EPB41: variants seen among roughly 807,000 people sequenced by gnomAD.
EPB41 encodes the protein erythrocyte membrane protein band 4.1, also known as protein 4.1.
In EPB41, 65 loss-of-function variants were observed where a neutral mutation model predicts 108.0. The ratio of observed to expected loss-of-function variants is 0.60; its 90% CI spans 0.49 to 0.74. EPB41 has a LOEUF of 0.74. EPB41 is among the 30% of genes least tolerant of loss of function. The pLI, the probability that EPB41 is intolerant of heterozygous loss-of-function variation, is 0.00. For synonymous variants in EPB41, 336 were observed against 358.9 expected, an observed-to-expected ratio of 0.94 and a Z score of 0.72; for missense variants, 875 against 1,037.0, an observed-to-expected ratio of 0.84 and a Z score of 2.15.
intron 16 of EPB41, among the ~76,000 whole-genome samples, chr1:29,075,605 A>G (rs938548743): frequency 6.6e-6 from 1 of 152,222 alleles, no homozygotes; most frequent in Non-Finnish European, 1.5e-5. Flanking sequence ...TAGAGTCTCA[A>G]CTATCTTTTC....
chr1:28,912,131 T>C (rs192490445), upstream of EPB41, among the ~76,000 whole-genome samples: 32 of 152,342 alleles, frequency 2.1e-4, no homozygotes, highest in Admixed American at 9.1e-4. Context: ...TTTCCTTATA[T>C]GTAAAATGAG....
chr1:29,060,406 C>G lies in EPB41; in HGVS notation c.1945-16C>G, dbSNP rs763735724. On this transcript the variant is annotated splice_polypyrimidine_tract_variant and intron_variant, in intron 14 of 20. Transcript: ENST00000343067. ...TTTTTTATGCTTTTCTGTTTTCCCC[C>G]CTTTCATTTTCACAGAAAAAGAGAG... 13 of 1,610,144 alleles carry G rather than the reference C, an allele frequency of 8.1e-6. No individual in the cohort carries two copies. Among genetic ancestry groups the G allele is most frequent in the Non-Finnish European group, 1.1e-5 (13 of 1,176,724 alleles).
At position 28,949,995 on chromosome 1, in the gene EPB41, AT is replaced by A. The variant is rs527875997; in HGVS notation, c.-8+35230del. Among the ~76,000 whole-genome samples, 5 of 152,224 alleles carry A rather than the reference AT, an allele frequency of 3.3e-5. No homozygotes were observed. In the South Asian group the frequency reaches 1.0e-3, roughly 32 times the overall value. ...TGGTATAATATTCCATTGTATGACT[AT>A]TTCATAATTAATTTATCCATTTTCC... On this transcript the variant is annotated intron_variant, in intron 1 of 20. Coordinates refer to ENST00000343067, the MANE Select transcript of EPB41 (RefSeq NM_001376013.1).
intron 15 of EPB41, among the ~76,000 whole-genome samples, chr1:29,061,581 T>G (rs1258555989): frequency 1.5e-5 from 2 of 135,750 alleles, no homozygotes; most frequent in African/African-American, 2.8e-5. Context: ...TGTTTTTTTT[T>G]TTTTTTTTTT....
rs773986647 is a variant in EPB41, at chr1:29,115,434, C to T, written c.2497-265C>T. 2.0e-5 allele frequency among the ~76,000 whole-genome samples: 3 copies of T among 151,946 alleles called. No individual in the cohort carries two copies. The highest frequency in any genetic ancestry group is 4.4e-5 in the Non-Finnish European group (3 of 67,970). ...AAAAAAAAAATAAAGGATCATATAA[C>T]AGATACAGCTATGACCCCCGAAGTC... On this transcript the variant is annotated intron_variant, in intron 19 of 20. Coordinates refer to ENST00000343067, the MANE Select transcript of EPB41 (RefSeq NM_001376013.1). The surrounding 1 kb of genome is among the most constrained non-coding windows in gnomAD (Gnocchi z 4.4).
chr1:29,065,277 T>C, intron 16 of EPB41, 119 bp downstream of exon 16: 1 of 1,409,180 alleles, frequency 7.1e-7, no homozygotes, highest in Non-Finnish European at 9.3e-7. Flanking sequence ...TGCCTCACTA[T>C]ATTCATTGCT....
rs1316981372 is a variant in EPB41 at position 28,887,477 on chromosome 1, G to T, written c.-8+267G>T. ...GGAGCTCGGATCCGGAGCTAGACAC[G>T]TCCGGGTCCGGCCGGTCCTGGCTGT... is the stretch of plus-strand genomic sequence containing the variant. On this transcript the variant is annotated intron_variant, in intron 1 of 16. Coordinates refer to the EPB41 transcript ENST00000347529. This position sits in a 1 kb window ranked among gnomAD's most constrained non-coding sequence, Gnocchi z 4.9. 32 of 985,116 alleles carry T rather than the reference G, an allele frequency of 3.2e-5. No individual in the cohort carries two copies. Among genetic ancestry groups the T allele is most frequent in the Admixed American group, 6.1e-5 (1 of 16,264 alleles). The allele number at this position is 985,116 out of a possible 1,614,324, so 61.0% of individuals were successfully genotyped here.
chr1:28,958,996 G>A (rs1167439468), intron 1 of EPB41, among the ~76,000 whole-genome samples: 1 of 151,944 alleles, frequency 6.6e-6, no homozygotes, highest in East Asian at 1.9e-4. Context: ...CTTTGAAGGA[G>A]GGTTAGAATT....
chr1:28,944,564 T>C (rs2148845892), intron 1 of EPB41, among the ~76,000 whole-genome samples: 1 of 140,486 alleles, frequency 7.1e-6, no homozygotes, highest in African/African-American at 2.6e-5. Flanking sequence ...TTTTGAGATG[T>C]CTTGCTCTGT....
intron 11 of EPB41, among the ~76,000 whole-genome samples, chr1:29,046,147 CAG>C (rs1302433889): frequency 2.0e-5 from 3 of 150,590 alleles, no homozygotes; most frequent in African/African-American, 7.3e-5. Flanking sequence ...TTTTTTGAGA[CAG>C]AGTCTCACTC....
chr1:29,062,176 T>G (rs1646677288), intron 15 of EPB41, among the ~76,000 whole-genome samples: 1 of 152,170 alleles, frequency 6.6e-6, no homozygotes. Flanking sequence ...CAGACCTGAG[T>G]AGTTCCATCT....
At chr1:28,913,461 G>T (rs1048466108), upstream of EPB41, among the ~76,000 whole-genome samples, 1 of 151,670 alleles carries the variant, frequency 6.6e-6, no homozygotes, top group Admixed American at 6.6e-5. Context: ...ATAAATAAAA[G>T]AAAAATGAAA....
intron 4 of EPB41, among the ~76,000 whole-genome samples, chr1:29,002,325 A>G (rs1167895305): frequency 6.6e-6 from 1 of 151,818 alleles, no homozygotes; most frequent in African/African-American, 2.4e-5. Flanking sequence ...GGTGGCACAT[A>G]CCTCTAGTCC....
At chr1:28,938,986 C>A (rs149833214) in intron 1 of EPB41, among the ~76,000 whole-genome samples, 1 of 152,198 alleles carries the variant, frequency 6.6e-6, no homozygotes, top group East Asian at 1.9e-4. Context: ...CTTTTCTAGG[C>A]CTAATTGCCC....
At chr1:28,995,598 T>C (rs1557958278) in intron 3 of EPB41, among the ~76,000 whole-genome samples, 2 of 152,122 alleles carry the variant, frequency 1.3e-5, no homozygotes, top group Non-Finnish European at 2.9e-5. Context: ...TCAGAATATT[T>C]TGGAGTTTAG....
chr1:29,103,144 A>T (rs1302644783), intron 17 of EPB41, among the ~76,000 whole-genome samples: 2 of 152,146 alleles, frequency 1.3e-5, no homozygotes, highest in Non-Finnish European at 2.9e-5. Context: ...CCAGGCCTCA[A>T]GTAGTCAGCC....
chr1:28,906,821 G>A (rs1460441120), intron 1 of EPB41, among the ~76,000 whole-genome samples: 1 of 151,300 alleles, frequency 6.6e-6, no homozygotes, highest in East Asian at 1.9e-4. Context: ...TGTTGCCCAG[G>A]CTGGAGTGCA....
At chr1:29,098,236 C>T (rs112035550) in intron 17 of EPB41, among the ~76,000 whole-genome samples, 67 of 152,220 alleles carry the variant, frequency 4.4e-4, no homozygotes, top group African/African-American at 1.5e-3. Context: ...GCTCTGTCGC[C>T]CAGGCTGGAG....
At chr1:28,925,566 A>C (rs891652876) in intron 1 of EPB41, among the ~76,000 whole-genome samples, 12 of 152,094 alleles carry the variant, frequency 7.9e-5, no homozygotes, top group African/African-American at 2.9e-4. Flanking sequence ...TACTTCTGAT[A>C]AGGTGACATT....
Sources: allele counts gnomAD v4.1 joint callset (sites outside exome capture counted in the v4.1 genomes callset), GRCh38; gene constraint gnomAD v4.1.1; non-coding constraint Gnocchi (gnomAD v3.1); transcripts MANE v1.5; gene names NCBI Gene and HGNC (gene_info 2026-07-23, HGNC 2026-07-21).